The following CPNE4 variants were observed in gnomAD, a reference collection of about 807,000 sequenced individuals.
CPNE4 encodes copine 4.
Under a neutral mutation model 67.9 loss-of-function variants are expected in CPNE4, and 25 were observed. That is an observed-to-expected ratio of 0.37 (90% CI 0.27 to 0.51). CPNE4 has a LOEUF of 0.51. Ranked by LOEUF, CPNE4 falls within the 20% of genes least tolerant of loss-of-function variation. The pLI, the probability that CPNE4 is intolerant of heterozygous loss-of-function variation, is 0.93. For missense variants in CPNE4, 464 were observed against 690.8 expected (o/e 0.67, Z 3.68); for synonymous variants, 242 against 244.9 (o/e 0.99, Z 0.11).
intron 2 of CPNE4, among the ~76,000 whole-genome samples, chr3:131,860,099 T>C (rs1489270420): frequency 6.6e-6 from 1 of 152,180 alleles, no homozygotes; most frequent in Non-Finnish European, 1.5e-5. Context: ...TTAGACAAAC[T>C]AAGGCACTTT....
At chr3:131,906,231 GTTTTA>G (rs1334974655) in intron 1 of CPNE4, among the ~76,000 whole-genome samples, 3 of 143,098 alleles carry the variant, frequency 2.1e-5, no homozygotes, top group Non-Finnish European at 4.6e-5. Flanking sequence ...GTTTTGTTTT[GTTTTA>G]TTTTGTTTTT....
chr3:131,705,925 A>T (rs573618050), intron 3 of CPNE4, among the ~76,000 whole-genome samples: 3 of 152,286 alleles, frequency 2.0e-5, no homozygotes, highest in African/African-American at 7.2e-5. Context: ...CAGCTCAGTT[A>T]TTAGTCAGAG....
intron 2 of CPNE4, among the ~76,000 whole-genome samples, chr3:131,866,109 G>A (rs1291476987): frequency 1.3e-5 from 2 of 152,230 alleles, no homozygotes; most frequent in Non-Finnish European, 1.5e-5. Context: ...GAATACTGCC[G>A]AAGACTAAGG....
intron 1 of CPNE4, among the ~76,000 whole-genome samples, chr3:132,026,845 T>C (rs1337147875): frequency 6.7e-6 from 1 of 148,426 alleles, no homozygotes; most frequent in Non-Finnish European, 1.5e-5. Flanking sequence ...CTTATATATA[T>C]GGTTTAATCT....
intron 2 of CPNE4, among the ~76,000 whole-genome samples, chr3:131,890,424 T>A (rs952045888): frequency 1.3e-5 from 2 of 151,544 alleles, no homozygotes; most frequent in Non-Finnish European, 2.9e-5. Context: ...CATTATTATT[T>A]TTTTTTTAGA....
chr3:131,960,246 T>C (rs1220830703), intron 1 of CPNE4, among the ~76,000 whole-genome samples: 1 of 152,194 alleles, frequency 6.6e-6, no homozygotes, highest in Non-Finnish European at 1.5e-5. Flanking sequence ...ACAATGTTTA[T>C]TTTTATGATA....
chr3:131,849,176 G>T (rs1007577882), intron 2 of CPNE4, among the ~76,000 whole-genome samples: 7 of 152,076 alleles, frequency 4.6e-5, no homozygotes, highest in African/African-American at 1.7e-4. Flanking sequence ...CAAGTACAGA[G>T]CATATTTCCC....
At chr3:132,005,660 A>C (rs533800695) in intron 1 of CPNE4, among the ~76,000 whole-genome samples, 2 of 151,978 alleles carry the variant, frequency 1.3e-5, no homozygotes, top group Admixed American at 1.3e-4. Context: ...TTTTCAGGAG[A>C]TTGGTTCCAG....
chr3:132,000,896 T>G, intron 1 of CPNE4, among the ~76,000 whole-genome samples: 1 of 151,028 alleles, frequency 6.6e-6, no homozygotes, highest in East Asian at 1.9e-4. Context: ...ATATCTCCCT[T>G]AATATCCACA....
At chr3:131,960,531 A>G (rs1413330583) in intron 1 of CPNE4, among the ~76,000 whole-genome samples, 2 of 152,192 alleles carry the variant, frequency 1.3e-5, no homozygotes, top group African/African-American at 4.8e-5. Context: ...CTATTGTCCA[A>G]TAATCATATA....
At chr3:131,807,737 T>C (rs1449968981) in intron 2 of CPNE4, among the ~76,000 whole-genome samples, 19 of 152,180 alleles carry the variant, frequency 1.2e-4, no homozygotes, top group Admixed American at 1.2e-3. Context: ...CCCCACGTTC[T>C]CACCTGTATA....
At chr3:131,817,029 G>T (rs2084769009) in intron 2 of CPNE4, among the ~76,000 whole-genome samples, 1 of 152,188 alleles carries the variant, frequency 6.6e-6, no homozygotes, top group African/African-American at 2.4e-5. Flanking sequence ...AGGAAGAAGT[G>T]TTTCTGCTGT....
At chr3:131,834,497 C>T (rs960565451) in intron 2 of CPNE4, among the ~76,000 whole-genome samples, 5 of 151,806 alleles carry the variant, frequency 3.3e-5, no homozygotes, top group Admixed American at 1.3e-4. Flanking sequence ...GAAGAAAAAG[C>T]GTATTCATTC....
chr3:131,914,879 G>A (rs181362472), intron 1 of CPNE4, among the ~76,000 whole-genome samples: 20 of 152,282 alleles, frequency 1.3e-4, no homozygotes, highest in Non-Finnish European at 2.1e-4. Flanking sequence ...AGGGGGCTGA[G>A]GCAGGAGAAT....
chr3:131,618,814 T>C (rs888937276), intron 7 of CPNE4, among the ~76,000 whole-genome samples: 3 of 152,188 alleles, frequency 2.0e-5, no homozygotes, highest in Non-Finnish European at 4.4e-5. Context: ...AGAGACAGCA[T>C]TGGCCCATGA....
At chr3:132,025,142 T>G (rs974977990) in intron 1 of CPNE4, among the ~76,000 whole-genome samples, 1 of 152,214 alleles carries the variant, frequency 6.6e-6, no homozygotes, top group Non-Finnish European at 1.5e-5. Flanking sequence ...GGCTTGAAGA[T>G]AATATTTTAT....
chr3:131,560,728 C>G (rs1271984590), intron 11 of CPNE4, among the ~76,000 whole-genome samples: 4 of 152,020 alleles, frequency 2.6e-5, no homozygotes, highest in Non-Finnish European at 5.9e-5. Context: ...TGCATAGGAC[C>G]TTAGCCATTG....
At chr3:131,713,420 G>A (rs867831677) in intron 3 of CPNE4, among the ~76,000 whole-genome samples, 1 of 152,146 alleles carries the variant, frequency 6.6e-6, no homozygotes, top group South Asian at 2.1e-4. Flanking sequence ...GATGAGATGA[G>A]ATGAGAAAGG....
chr3:131,562,173 A>C (rs1395329044), intron 11 of CPNE4, among the ~76,000 whole-genome samples: 2 of 152,026 alleles, frequency 1.3e-5, no homozygotes, highest in Admixed American at 6.6e-5. Flanking sequence ...TGAGGGAACA[A>C]AAAATGCTCC....
Sources: gnomAD v4.1 joint callset for allele counts (sites outside exome capture counted in the v4.1 genomes callset) on GRCh38, gnomAD v4.1.1 for gene constraint, MANE v1.5 for transcripts, NCBI Gene and HGNC (gene_info 2026-07-23, HGNC 2026-07-21) for gene names.